The following PLA2G5 variants were observed in gnomAD, a reference collection of about 807,000 sequenced individuals.
The protein encoded by PLA2G5 is Ca2+-dependent phospholipase A2.
PLA2G5 carries 12 observed loss-of-function variants against 15.9 expected under a neutral mutation model. The observed-to-expected ratio is 0.76, with a 90% confidence interval of 0.48 to 1.23. The LOEUF is 1.23. Among genes scored for constraint, PLA2G5 ranks in the 50% most tolerant of loss-of-function variants. The pLI is 0.00. For missense variants in PLA2G5, 169 were observed against 177.1 expected (o/e 0.95, Z 0.26); for synonymous variants, 71 against 71.4 (o/e 0.99, Z 0.03).
At chr1:20,083,457 G>A (rs1160140898) in intron 1 of PLA2G5, among the ~76,000 whole-genome samples, 1 of 151,804 alleles carries the variant, frequency 6.6e-6, no homozygotes, top group Non-Finnish European at 1.5e-5. Context: ...GAGCACTGAA[G>A]GGGAGAGCCC....
intron 1 of PLA2G5, among the ~76,000 whole-genome samples, chr1:20,029,839 C>T (rs1040805138): frequency 6.6e-6 from 1 of 152,178 alleles, no homozygotes; most frequent in Non-Finnish European, 1.5e-5. Context: ...GAGATTGAAA[C>T]ACCAGTGTGT....
upstream of PLA2G5, chr1:20,066,126 G>A (rs898552564): frequency 1.2e-4 from 19 of 152,306 alleles, no homozygotes; most frequent in South Asian, 2.1e-4. Flanking sequence ...AGCCATCCTC[G>A]TAGGTATGTC....
chr1:20,043,377 G>C lies in PLA2G5; in HGVS notation n.276+14668G>C, dbSNP rs192690324. ...GGCTTTAGGAGGCCATGCTGTAACA[G>C]GCAATTGATAACAGGATTTAATCCT... On this transcript the variant is annotated intron_variant and non_coding_transcript_variant, in intron 1 of 6. Coordinates refer to the PLA2G5 transcript ENST00000460175. 2.8e-4 allele frequency among the ~76,000 whole-genome samples: 43 copies of C among 152,304 alleles called. 1 individual carries two copies. Among genetic ancestry groups the C allele is most frequent in the Admixed American group, 1.5e-3 (23 of 15,290 alleles).
chr1:20,077,737 A>G (rs1271727696), intron 1 of PLA2G5, among the ~76,000 whole-genome samples: 1 of 152,332 alleles, frequency 6.6e-6, no homozygotes. Flanking sequence ...CCCAAAGAGG[A>G]GAAAAAGCTG....
rs199739019 is a variant in PLA2G5, at chr1:20,084,886, G to A, written c.40+16G>A. 140 of 1,584,362 alleles carry A rather than the reference G, an allele frequency of 8.8e-5. 3 individuals are homozygous for A. In the African/African-American group the frequency reaches 9.7e-4, roughly 11 times the overall value. ...CTGGCTTGTAGTAAGTGCTGGCCCCGTGACCTTCGAATGAACTTTTACCCC... is the reference window on the plus strand; with the variant it reads ...CTGGCTTGTAGTAAGTGCTGGCCCCATGACCTTCGAATGAACTTTTACCCC... On this transcript the variant is annotated intron_variant, in intron 2 of 4. Transcript: ENST00000375108.
upstream of PLA2G5, chr1:20,068,939 G>GA (rs1557741404): frequency 3.9e-6 from 5 of 1,289,212 alleles, no homozygotes; most frequent in Non-Finnish European, 5.1e-6. Flanking sequence ...GCAGAGCCAG[G>GA]AAGGACCCGG....
intron 1 of PLA2G5, among the ~76,000 whole-genome samples, chr1:20,054,545 TC>T (rs2014341555): frequency 6.6e-6 from 1 of 152,176 alleles, no homozygotes; most frequent in African/African-American, 2.4e-5. Context: ...GAGATGGAGA[TC>T]ATTTTTCTTT....
At position 20,082,510 on chromosome 1, in the gene PLA2G5, T is replaced by C. The variant is rs139441487; in HGVS notation, c.-10-2311T>C. Among the ~76,000 whole-genome samples, 126 of 152,086 alleles carry C rather than the reference T, an allele frequency of 8.3e-4. 6 individuals are homozygous for C. Among genetic ancestry groups the C allele is most frequent in the African/African-American group, 2.7e-3 (112 of 41,334 alleles). On this transcript the variant is annotated intron_variant, in intron 1 of 4. Coordinates refer to ENST00000375108, the MANE Select transcript of PLA2G5 (RefSeq NM_000929.3). ...CTCCTGAGATCTTACTGGAAGCTGCTGATCACCTGCTTCAGGTATTCCTGT... is the reference window on the plus strand; with the variant it reads ...CTCCTGAGATCTTACTGGAAGCTGCCGATCACCTGCTTCAGGTATTCCTGT...
At chr1:20,040,439 C>G (rs1218335932) in intron 1 of PLA2G5, among the ~76,000 whole-genome samples, 1 of 152,164 alleles carries the variant, frequency 6.6e-6, no homozygotes, top group African/African-American at 2.4e-5. Flanking sequence ...TTTCAAAGCC[C>G]TGGAATTAGC....
chr1:20,054,614 G>A (rs1188892153), intron 1 of PLA2G5, among the ~76,000 whole-genome samples: 1 of 151,662 alleles, frequency 6.6e-6, no homozygotes, highest in Non-Finnish European at 1.5e-5. Flanking sequence ...TTTTCTGGTG[G>A]CTGTCTCAGT....
chr1:20,090,903 C>CGAGAT lies in PLA2G5; in HGVS notation c.*211_*212insGAGAT. 1 of 511,932 alleles carries CGAGAT rather than the reference C, an allele frequency of 2.0e-6. No homozygotes were observed. Among genetic ancestry groups the CGAGAT allele is most frequent in the Non-Finnish European group, 3.5e-6 (1 of 287,482 alleles). 31.7% of individuals were successfully genotyped at this position (511,932 alleles called of 1,614,324 possible). A position where few individuals can be genotyped will look rare whatever the true frequency, so the allele number is the denominator to read the frequency against. ...TAGGACTTGGTAGGGTCCCAGGGTC[C>CGAGAT]CTAGGCCTCCACTTCTGAGGGCAGC... On this transcript the variant is annotated 3_prime_UTR_variant, in exon 5 of 5. Transcript: ENST00000375108.
At chr1:20,053,658 A>C (rs1460730261) in intron 1 of PLA2G5, among the ~76,000 whole-genome samples, 3 of 151,494 alleles carry the variant, frequency 2.0e-5, no homozygotes, top group Non-Finnish European at 2.9e-5. Context: ...GTTGTTTCTC[A>C]CTTGTCTCTA....
At chr1:20,058,905 G>A (rs1285664215) in intron 1 of PLA2G5, among the ~76,000 whole-genome samples, 1 of 152,124 alleles carries the variant, frequency 6.6e-6, no homozygotes, top group African/African-American at 2.4e-5. Flanking sequence ...CAGGTGCAGT[G>A]GCTCATGCCT....
chr1:20,073,687 AG>A (rs966877523), intron 1 of PLA2G5, among the ~76,000 whole-genome samples: 3 of 152,256 alleles, frequency 2.0e-5, no homozygotes, highest in Non-Finnish European at 4.4e-5. Flanking sequence ...GTTCGAGACC[AG>A]CCTGGCCAAC....
At chr1:20,072,710 T>A (rs535269538) in intron 1 of PLA2G5, among the ~76,000 whole-genome samples, 43 of 152,166 alleles carry the variant, frequency 2.8e-4, no homozygotes, top group African/African-American at 8.9e-4. Flanking sequence ...TTAGGAAGAT[T>A]GACCCAGGAA....
chr1:20,086,298 T>A (rs2016289008), intron 3 of PLA2G5, 71 bp downstream of exon 3: 2 of 1,501,450 alleles, frequency 1.3e-6, no homozygotes, highest in Non-Finnish European at 1.8e-6. Flanking sequence ...CAATTCCATA[T>A]CAGTTCTGGA....
rs2014633560 is a variant in PLA2G5 at position 20,060,109 on chromosome 1, C to T, written n.337+417C>T. On this transcript the variant is annotated intron_variant and non_coding_transcript_variant, in intron 2 of 6. Coordinates refer to the PLA2G5 transcript ENST00000460175. ...GGGTGAAACATAGGTTGGAGGTCAG[C>T]AGGGGCCAGATTGCTATAGGCCACT... Among the ~76,000 whole-genome samples, 5 of 152,112 alleles carry T rather than the reference C, an allele frequency of 3.3e-5. No homozygotes were observed. The South Asian group carries it at 8.3e-4, about 25-fold the overall frequency.
At chr1:20,069,235 T>C (rs1015478108), upstream of PLA2G5, among the ~76,000 whole-genome samples, 1 of 152,186 alleles carries the variant, frequency 6.6e-6, no homozygotes, top group Non-Finnish European at 1.5e-5. Context: ...AAAATGTGCA[T>C]GCCCCTCATC....
chr1:20,041,279 AGTGTCACCT>A (rs1465094679), intron 1 of PLA2G5, among the ~76,000 whole-genome samples: 1 of 152,170 alleles, frequency 6.6e-6, no homozygotes, highest in African/African-American at 2.4e-5. Context: ...CCCCCTCCAG[AGTGTCACCT>A]GTGTCTGTGT....
Sources: allele counts gnomAD v4.1 joint callset (sites outside exome capture counted in the v4.1 genomes callset), GRCh38; gene constraint gnomAD v4.1.1; transcripts MANE v1.5; gene names NCBI Gene and HGNC (gene_info 2026-07-23, HGNC 2026-07-21).